The following SIRT1 variants were observed in gnomAD, a reference collection of about 807,000 sequenced individuals.
SIRT1 encodes the protein NAD-dependent protein deacetylase sirtuin-1.
A neutral mutation model predicts 67.9 loss-of-function variants in SIRT1; 24 were observed. The observed-to-expected ratio is 0.35, with a 90% CI of 0.26 to 0.50. The LOEUF (loss-of-function observed/expected upper bound fraction) is 0.50. Ranked by LOEUF, SIRT1 falls within the 20% of genes least tolerant of loss-of-function variation. The probability of loss-of-function intolerance (pLI) is 0.98; values close to 1 mark genes in which losing one functional copy is unlikely to be tolerated. For synonymous variants in SIRT1, 378 were observed against 350.7 expected, an observed-to-expected ratio of 1.08 and a Z score of -0.87; for missense variants, 873 against 937.2, an observed-to-expected ratio of 0.93 and a Z score of 0.89.
In SIRT1 at chr10:67,885,002, C is replaced by T. The variant is rs1842451628; in HGVS notation, c.281C>T (p.Ala94Val). The T allele has an allele frequency of 1.5e-6, 2 of 1,310,106 alleles. No individual in the cohort carries two copies. The highest frequency in any genetic ancestry group is 3.1e-5 in the African/African-American group (2 of 64,922). The allele number at this position is 1,310,106 out of a possible 1,614,324, so 81.2% of individuals were successfully genotyped here. A position where few individuals can be genotyped will look rare whatever the true frequency, so the allele number is the denominator to read the frequency against. Residue 94 changes from alanine (A) to valine (V), a missense_variant, in exon 1 of 9, where the codon GCG (alanine) becomes GTG (valine). Coordinates refer to ENST00000212015, the MANE Select transcript of SIRT1 (RefSeq NM_012238.5). ...AAAGGEQEAQ[A>V]TAAAGEGDNG... Reference sequence around the variant, plus strand: ...GCAGGCGGGGAGCAAGAGGCCCAGGCGACTGCGGCGGCTGGGGAAGGAGAC... The same window carrying T: ...GCAGGCGGGGAGCAAGAGGCCCAGGTGACTGCGGCGGCTGGGGAAGGAGAC...
chr10:67,908,537 A>T (rs1010059185), intron 6 of SIRT1, among the ~76,000 whole-genome samples: 1 of 152,206 alleles, frequency 6.6e-6, no homozygotes, highest in Admixed American at 6.5e-5. Flanking sequence ...AATTATCCAG[A>T]AATATGTCCT....
chr10:67,913,280 G>T (rs1397320236), intron 8 of SIRT1, among the ~76,000 whole-genome samples: 1 of 152,140 alleles, frequency 6.6e-6, no homozygotes, highest in East Asian at 1.9e-4. Flanking sequence ...TGGGTTATTA[G>T]CTGGCAGAAA....
intron 4 of SIRT1, among the ~76,000 whole-genome samples, chr10:67,894,628 A>G (rs1842624349): frequency 6.6e-6 from 1 of 152,154 alleles, no homozygotes; most frequent in Non-Finnish European, 1.5e-5. Flanking sequence ...GTTATGGAGA[A>G]TACATTTTTT....
chr10:67,907,211 C>T (rs1014157321), intron 5 of SIRT1, among the ~76,000 whole-genome samples: 8 of 152,146 alleles, frequency 5.3e-5, no homozygotes, highest in Non-Finnish European at 1.0e-4. Flanking sequence ...ATAATCTTTT[C>T]TGGCTGAGTG....
At chr10:67,899,186 A>G (rs1277898367) in intron 4 of SIRT1, among the ~76,000 whole-genome samples, 2 of 152,176 alleles carry the variant, frequency 1.3e-5, no homozygotes, top group East Asian at 1.9e-4. Flanking sequence ...GGCTGGGTGC[A>G]GTGGCTCATG....
rs376344500 is a variant in SIRT1, at chr10:67,889,140, C to G, written c.789+17C>G. ...GGAGCTGGGGTATGTAAGACTAGTA[C>G]ATGGGGAGGTCGTATATGTATTTTC... On this transcript the variant is annotated intron_variant, in intron 3 of 8. Coordinates refer to ENST00000212015, the MANE Select transcript of SIRT1 (RefSeq NM_012238.5). The G allele has an allele frequency of 6.3e-7, 1 of 1,578,020 alleles. No individual in the cohort carries two copies. The highest frequency in any genetic ancestry group is 1.4e-5 in the African/African-American group (1 of 73,540).
rs1370898664 is a variant in SIRT1 at position 67,884,783 on chromosome 10, ACAGGGAGGCCGCGTCGTCCCCCGC to A, written c.64_87del (p.Arg22_Ala29del). 1.0e-6 allele frequency: 1 copy of A among 961,974 alleles called. No homozygotes were observed. The highest frequency in any genetic ancestry group is 1.3e-6 in the Non-Finnish European group (1 of 770,312). The allele number at this position is 961,974 out of a possible 1,614,324, so 59.6% of individuals were successfully genotyped here. On this transcript the variant is annotated inframe_deletion, in exon 1 of 9. Transcript: ENST00000212015. ...GGCTCCCCCTCGGCGGCGGGGGCCG[ACAGGGAGGCCGCGTCGTCCCCCGC>A]CGGGGAGCCGCTCCGCAAGAGGCCG...
intron 6 of SIRT1, 35 bp downstream of exon 6, chr10:67,908,160 G>C: frequency 6.5e-7 from 1 of 1,543,218 alleles, no homozygotes; most frequent in Non-Finnish European, 8.9e-7. Flanking sequence ...AATTGTTCAT[G>C]TCTCTGAAGT....
intron 1 of SIRT1, among the ~76,000 whole-genome samples, chr10:67,886,557 A>C (rs944790304): frequency 5.8e-4 from 13 of 22,392 alleles, no homozygotes; most frequent in Non-Finnish European, 1.2e-3. Flanking sequence ...CCCCGTCTCA[A>C]AAAAAAAAAA....
intron 4 of SIRT1, among the ~76,000 whole-genome samples, chr10:67,898,379 G>A (rs1842692343): frequency 6.6e-6 from 1 of 152,028 alleles, no homozygotes; most frequent in African/African-American, 2.4e-5. Flanking sequence ...ACAAGAAAAG[G>A]TAGAGGGAGA....
In SIRT1 at chr10:67,912,414, G is replaced by A. The variant is rs565336261; in HGVS notation, c.1358-60G>A. On this transcript the variant is annotated intron_variant, in intron 7 of 8. Coordinates refer to ENST00000212015, the MANE Select transcript of SIRT1 (RefSeq NM_012238.5). Reference sequence around the variant, plus strand: ...GATTTTTGCATAATGTATCTGTTGTGGTTTTATTAGCTTACTTCCTCCTCC... The same window carrying A: ...GATTTTTGCATAATGTATCTGTTGTAGTTTTATTAGCTTACTTCCTCCTCC... The A allele has an allele frequency of 2.8e-6, 4 of 1,430,062 alleles. No individual in the cohort carries two copies. The East Asian group carries it at 6.8e-5, about 24-fold the overall frequency. The allele number at this position is 1,430,062 out of a possible 1,614,324, so 88.6% of individuals were successfully genotyped here. A position where few individuals can be genotyped will look rare whatever the true frequency, so the allele number is the denominator to read the frequency against.
chr10:67,906,325 T>C, intron 4 of SIRT1: 1 of 1,540,748 alleles, frequency 6.5e-7, no homozygotes, highest in Non-Finnish European at 8.7e-7. Context: ...TTCCAGCAGG[T>C]TGATATTCTA....
chr10:67,912,115 C>T (rs1842909898), intron 7 of SIRT1, among the ~76,000 whole-genome samples: 5 of 152,146 alleles, frequency 3.3e-5, no homozygotes. Flanking sequence ...GTACCAAGAA[C>T]TCTTCTGTGC....
intron 4 of SIRT1, among the ~76,000 whole-genome samples, chr10:67,903,603 G>A (rs545419581): frequency 1.5e-3 from 224 of 152,120 alleles, no homozygotes; most frequent in Non-Finnish European, 2.7e-3. Context: ...TAGCCAGGAT[G>A]GTCTCGATCT....
chr10:67,889,903 T>G (rs1842541874), intron 3 of SIRT1, among the ~76,000 whole-genome samples: 1 of 152,324 alleles, frequency 6.6e-6, no homozygotes, highest in South Asian at 2.1e-4. Flanking sequence ...AATCTCTATT[T>G]GAAATGTCAG....
chr10:67,896,849 C>T (rs943591136), intron 4 of SIRT1, among the ~76,000 whole-genome samples: 1 of 149,826 alleles, frequency 6.7e-6, no homozygotes, highest in East Asian at 2.0e-4. Context: ...AAAATGTCTT[C>T]AAAATGTTCC....
chr10:67,894,914 G>A (rs1004739461), intron 4 of SIRT1, among the ~76,000 whole-genome samples: 1 of 152,078 alleles, frequency 6.6e-6, no homozygotes, highest in Non-Finnish European at 1.5e-5. Flanking sequence ...TGGCAAGGAC[G>A]TGTCTCGTCG....
intron 4 of SIRT1, among the ~76,000 whole-genome samples, chr10:67,905,511 C>G (rs916470880): frequency 5.3e-5 from 8 of 152,138 alleles, no homozygotes; most frequent in African/African-American, 1.9e-4. Context: ...ACGGAATTCA[C>G]TTAAGTTTTA....
chr10:67,891,320 C>T (rs1695687674), intron 3 of SIRT1, 82 bp from the exon 4 acceptor site: 6 of 1,265,648 alleles, frequency 4.7e-6, no homozygotes, highest in Non-Finnish European at 6.6e-6. Context: ...TCAACTCTTA[C>T]CTAATTATAT....
Sources: allele counts gnomAD v4.1 joint callset (sites outside exome capture counted in the v4.1 genomes callset), GRCh38; gene constraint gnomAD v4.1.1; transcripts MANE v1.5; gene names NCBI Gene and HGNC (gene_info 2026-07-23, HGNC 2026-07-21).